ARPP21: variants seen among roughly 807,000 people sequenced by gnomAD.
ARPP21 encodes the protein cAMP-regulated phosphoprotein 21.
In ARPP21, 69 loss-of-function variants were observed where a neutral mutation model predicts 113.2. The observed-to-expected ratio is 0.61, with a 90% CI of 0.50 to 0.74. The LOEUF is 0.74. Among genes scored for constraint, ARPP21 ranks in the 30% least tolerant of loss-of-function variants. ARPP21 has a pLI of 0.00. For missense variants in ARPP21, 1,070 were observed against 1,037.4 expected, an observed-to-expected ratio of 1.03 and a Z score of -0.43; for synonymous variants, 368 against 375.5, an observed-to-expected ratio of 0.98 and a Z score of 0.23.
intron 3 of ARPP21, chr3:35,682,395 A>C (rs1308541690): frequency 6.2e-6 from 1 of 160,346 alleles, no homozygotes; most frequent in Non-Finnish European, 1.4e-5. Flanking sequence ...GAGTGATTAA[A>C]GGAAATGAAA....
intron 13 of ARPP21, 133 bp from the exon 14 acceptor site, chr3:35,721,472 G>C (rs983555334): frequency 3.2e-6 from 2 of 621,694 alleles, no homozygotes; most frequent in African/African-American, 3.7e-5. Context: ...GAGGCAACTG[G>C]TTTAATGAAA....
At position 35,684,626 on chromosome 3, in the gene ARPP21, A is replaced by G. The variant is rs1045378842; in HGVS notation, c.261+811A>G. The G allele has an allele frequency of 1.0e-4, 100 of 985,304 alleles. 1 individual carries two copies. Among genetic ancestry groups the G allele is most frequent in the Non-Finnish European group, 1.2e-4 (97 of 829,700 alleles). 61.0% of individuals were successfully genotyped at this position (985,304 alleles called of 1,614,324 possible). A position where few individuals can be genotyped will look rare whatever the true frequency, so the allele number is the denominator to read the frequency against. On this transcript the variant is annotated intron_variant, in intron 5 of 20. Transcript: ENST00000684406. ...AAAGTAAAATGGTTTACCTGAGCCC[A>G]GGGGAGGGAAAATTGATTAAGATAT...
At chr3:35,700,537 C>G (rs1024980817) in intron 9 of ARPP21, among the ~76,000 whole-genome samples, 1 of 151,172 alleles carries the variant, frequency 6.6e-6, no homozygotes, top group African/African-American at 2.4e-5. Context: ...TACACCAATA[C>G]TTTATCCCTG....
intron 9 of ARPP21, among the ~76,000 whole-genome samples, chr3:35,701,716 T>C (rs898977088): frequency 6.6e-6 from 1 of 151,450 alleles, no homozygotes; most frequent in Non-Finnish European, 1.5e-5. Context: ...GATGTTTATA[T>C]AGATAGATAA....
chr3:35,647,292 C>A (rs1429995209), intron 1 of ARPP21, among the ~76,000 whole-genome samples: 1 of 152,078 alleles, frequency 6.6e-6, no homozygotes, highest in Non-Finnish European at 1.5e-5. Flanking sequence ...AAATATCCCT[C>A]TAATAGGGAA....
In ARPP21 at chr3:35,675,585, T is replaced by C. The variant is rs534741464; in HGVS notation, c.-212-4202T>C. Among the ~76,000 whole-genome samples the C allele has an allele frequency of 2.0e-5, 3 of 151,986 alleles. No homozygotes were observed. In the East Asian group the frequency reaches 5.8e-4, roughly 30 times the overall value. ...CCAGGACCATATCCAGGGTAAGCTT[T>C]GGGAAAAAAATTATAGAGTTGTCTT... On this transcript the variant is annotated intron_variant, in intron 1 of 20. Coordinates refer to ENST00000684406, the MANE Select transcript of ARPP21 (RefSeq NM_001385562.1).
chr3:35,688,487 C>A (rs1019079336), intron 6 of ARPP21, among the ~76,000 whole-genome samples: 1 of 151,506 alleles, frequency 6.6e-6, no homozygotes, highest in Non-Finnish European at 1.5e-5. Context: ...ACCTACAGTC[C>A]AAACTGTCCA....
chr3:35,683,673 C>T, intron 4 of ARPP21, 53 bp from the exon 5 acceptor site: 1 of 780,468 alleles, frequency 1.3e-6, no homozygotes. Flanking sequence ...GAGAATGCTT[C>T]CTGTTTGTTT....
chr3:35,724,283 C>T (rs1181000425), intron 14 of ARPP21, among the ~76,000 whole-genome samples: 1 of 152,138 alleles, frequency 6.6e-6, no homozygotes, highest in Non-Finnish European at 1.5e-5. Flanking sequence ...TCCTCCTTAC[C>T]GAAAGCACTT....
At chr3:35,699,758 A>C (rs1418655898) in intron 9 of ARPP21, among the ~76,000 whole-genome samples, 2 of 151,782 alleles carry the variant, frequency 1.3e-5, no homozygotes, top group Non-Finnish European at 2.9e-5. Flanking sequence ...CTGGGACTGA[A>C]ATACTGTATT....
chr3:35,668,005 GAAGAAGAAGAA>G (rs1559549780), intron 1 of ARPP21, among the ~76,000 whole-genome samples: 27 of 150,414 alleles, frequency 1.8e-4, no homozygotes, highest in Non-Finnish European at 2.8e-4. Flanking sequence ...AGAAGAAGAA[GAAGAAGAAGAA>G]GAAGAAGAAG....
chr3:35,744,876 A>G (rs1559825411), intron 19 of ARPP21, among the ~76,000 whole-genome samples: 1 of 152,236 alleles, frequency 6.6e-6, no homozygotes, highest in Non-Finnish European at 1.5e-5. Flanking sequence ...TTTATAACCT[A>G]TGAGAAAAGT....
intron 19 of ARPP21, among the ~76,000 whole-genome samples, chr3:35,790,233 T>C (rs1037290015): frequency 6.6e-6 from 1 of 152,226 alleles, no homozygotes; most frequent in Non-Finnish European, 1.5e-5. Context: ...TAAGGCCTTA[T>C]TATATTCACA....
At chr3:35,792,929 A>G (rs571250692) in intron 20 of ARPP21, among the ~76,000 whole-genome samples, 1 of 152,312 alleles carries the variant, frequency 6.6e-6, no homozygotes, top group Non-Finnish European at 1.5e-5. Context: ...GTTATAAGAG[A>G]TTTTAATATG....
At chr3:35,755,587 T>A (rs1271815234) in intron 19 of ARPP21, among the ~76,000 whole-genome samples, 1 of 152,056 alleles carries the variant, frequency 6.6e-6, no homozygotes, top group Non-Finnish European at 1.5e-5. Context: ...AACAGCCAAA[T>A]AATGAAGAAG....
chr3:35,695,947 G>A (rs2083835628), intron 9 of ARPP21, among the ~76,000 whole-genome samples: 1 of 151,548 alleles, frequency 6.6e-6, no homozygotes, highest in African/African-American at 2.4e-5. Context: ...AGTGGCAGCA[G>A]GATGCTAATT....
intron 19 of ARPP21, among the ~76,000 whole-genome samples, chr3:35,753,111 A>T (rs1371090799): frequency 6.6e-6 from 1 of 150,906 alleles, no homozygotes; most frequent in Non-Finnish European, 1.5e-5. Flanking sequence ...TATTCATTTT[A>T]GCCAGATCTC....
intron 1 of ARPP21, among the ~76,000 whole-genome samples, chr3:35,656,019 C>T (rs567558759): frequency 6.6e-6 from 1 of 151,838 alleles, no homozygotes; most frequent in Non-Finnish European, 1.5e-5. Context: ...ATTTTATAAT[C>T]TAAAAACAAA....
chr3:35,712,745 A>G (rs766373262), intron 11 of ARPP21, among the ~76,000 whole-genome samples: 17 of 152,236 alleles, frequency 1.1e-4, no homozygotes, highest in Non-Finnish European at 2.4e-4. Context: ...AGTCAAAACA[A>G]CAATTTAGAA....
Sources: allele counts gnomAD v4.1 joint callset (sites outside exome capture counted in the v4.1 genomes callset), GRCh38; gene constraint gnomAD v4.1.1; transcripts MANE v1.5; gene names NCBI Gene and HGNC (gene_info 2026-07-23, HGNC 2026-07-21).